Variants in MAP3K2 observed in about 807,000 individuals in gnomAD.
The protein encoded by MAP3K2 is mitogen-activated protein kinase kinase kinase 2, also known as MAP/ERK kinase kinase 2.
A neutral mutation model predicts 80.3 loss-of-function variants in MAP3K2; 24 were observed. The observed-to-expected ratio is 0.30, with a 90% CI of 0.22 to 0.42. The LOEUF is 0.42. Ranked by LOEUF, MAP3K2 falls within the 10% of genes least tolerant of loss-of-function variation. The pLI is 1.00. For synonymous variants in MAP3K2, 244 were observed against 253.7 expected, an observed-to-expected ratio of 0.96 and a Z score of 0.36; for missense variants, 608 against 750.1, an observed-to-expected ratio of 0.81 and a Z score of 2.21.
chr2:127,361,039 C>T (rs560027863), intron 1 of MAP3K2, among the ~76,000 whole-genome samples: 17 of 152,016 alleles, frequency 1.1e-4, no homozygotes, highest in South Asian at 4.2e-4. Context: ...TTAGGCAGGG[C>T]GCGGTGGCTC....
chr2:127,347,918 T>C (rs1168727681), intron 1 of MAP3K2, among the ~76,000 whole-genome samples: 2 of 152,064 alleles, frequency 1.3e-5, no homozygotes, highest in Non-Finnish European at 2.9e-5. Flanking sequence ...CAGGTGGTAA[T>C]GAAGATGTGA....
intron 1 of MAP3K2, among the ~76,000 whole-genome samples, chr2:127,351,068 A>C (rs1402754870): frequency 6.6e-6 from 1 of 152,166 alleles, no homozygotes; most frequent in Non-Finnish European, 1.5e-5. Context: ...AACTGTCGAA[A>C]TCATGAAAGT....
At position 127,325,821 on chromosome 2, in the gene MAP3K2, G is replaced by A; in HGVS notation, c.598-14C>T. 6.3e-7 allele frequency: 1 copy of A among 1,592,290 alleles called. No homozygotes were observed. The highest frequency in any genetic ancestry group is 8.6e-7 in the Non-Finnish European group (1 of 1,162,060). On this transcript the variant is annotated splice_polypyrimidine_tract_variant and intron_variant, in intron 8 of 16. Transcript: ENST00000682094. ...TGGATCCAGCATCTAGGAAAAAAAG[G>A]AGTTCCACCATGATTCAATTTGATA...
At chr2:127,319,166 GA>G (rs1383083322) in intron 12 of MAP3K2, among the ~76,000 whole-genome samples, 1 of 151,076 alleles carries the variant, frequency 6.6e-6, no homozygotes, top group Non-Finnish European at 1.5e-5. Flanking sequence ...TCAGCCGCTG[GA>G]GAAAGCAGCA....
At chr2:127,308,944 T>G (rs1043847698) in intron 15 of MAP3K2, among the ~76,000 whole-genome samples, 182 bp from the exon 16 acceptor site, 1 of 152,184 alleles carries the variant, frequency 6.6e-6, no homozygotes, top group African/African-American at 2.4e-5. Context: ...CATTAAGGAT[T>G]TGCTGCAAGA....
intron 12 of MAP3K2, among the ~76,000 whole-genome samples, chr2:127,319,648 T>C (rs972664861): frequency 5.0e-4 from 1 of 2,014 alleles, no homozygotes; most frequent in East Asian, 0.029. Context: ...CTACTAAAAA[T>C]ACAAAAAAAA....
At chr2:127,344,582 A>G (rs758683965) in intron 1 of MAP3K2, among the ~76,000 whole-genome samples, 7 of 152,064 alleles carry the variant, frequency 4.6e-5, no homozygotes, top group Non-Finnish European at 1.0e-4. Flanking sequence ...AAGTGGGAAG[A>G]CTGCTTGAGC....
At chr2:127,315,838 A>G (rs1174749889) in intron 14 of MAP3K2, among the ~76,000 whole-genome samples, 2 of 151,642 alleles carry the variant, frequency 1.3e-5, no homozygotes, top group Admixed American at 1.3e-4. Flanking sequence ...TAATACCATC[A>G]CTTTGGGAGG....
intron 15 of MAP3K2, among the ~76,000 whole-genome samples, chr2:127,311,633 C>T (rs958625086): frequency 1.3e-5 from 2 of 152,150 alleles, no homozygotes; most frequent in Non-Finnish European, 2.9e-5. Context: ...ATACTGCCAA[C>T]CACTCCCCCT....
intron 2 of MAP3K2, among the ~76,000 whole-genome samples, chr2:127,340,035 C>T (rs1441897861): frequency 6.6e-6 from 1 of 152,152 alleles, no homozygotes; most frequent in East Asian, 1.9e-4. Flanking sequence ...CTCAAACACA[C>T]AAACAGCTGA....
chr2:127,363,624 A>C (rs1686925297), intron 1 of MAP3K2, among the ~76,000 whole-genome samples: 1 of 152,114 alleles, frequency 6.6e-6, no homozygotes. Flanking sequence ...AATTCCTGTA[A>C]TCCTCTTCAT....
intron 1 of MAP3K2, among the ~76,000 whole-genome samples, chr2:127,369,522 T>C (rs1363779530): frequency 4.7e-5 from 7 of 148,512 alleles, no homozygotes; most frequent in Non-Finnish European, 8.9e-5. Context: ...AAAAAATGAC[T>C]TCATCTTAGA....
rs1214147440 is a variant in MAP3K2 at position 127,342,459 on chromosome 2, T to C, written c.4+667A>G. On this transcript the variant is annotated intron_variant, in intron 2 of 16. Coordinates refer to ENST00000682094, the MANE Select transcript of MAP3K2 (RefSeq NM_001371910.2). ...TAAGCAAGAAGTAGAAAATGTGTGATAAAGGCAAACTCTGGCAAGCAAATG... is the reference window on the plus strand; with the variant it reads ...TAAGCAAGAAGTAGAAAATGTGTGACAAAGGCAAACTCTGGCAAGCAAATG... Among the ~76,000 whole-genome samples the C allele has an allele frequency of 2.0e-5, 3 of 150,780 alleles. 1 individual carries two copies. Among genetic ancestry groups the C allele is most frequent in the East Asian group, 3.9e-4 (2 of 5,138 alleles).
At chr2:127,340,808 T>C (rs1573992688) in intron 2 of MAP3K2, among the ~76,000 whole-genome samples, 1 of 152,194 alleles carries the variant, frequency 6.6e-6, no homozygotes, top group Admixed American at 6.5e-5. Flanking sequence ...TCCTCCCACC[T>C]TGGCCTCCCA....
At chr2:127,338,053 T>C (rs1184237909) in intron 3 of MAP3K2, among the ~76,000 whole-genome samples, 1 of 152,136 alleles carries the variant, frequency 6.6e-6, no homozygotes, top group African/African-American at 2.4e-5. Flanking sequence ...GCTGATCCTG[T>C]TATGGGAAAT....
chr2:127,313,731 T>A (rs899347034), intron 15 of MAP3K2, among the ~76,000 whole-genome samples: 1 of 152,240 alleles, frequency 6.6e-6, no homozygotes, highest in Non-Finnish European at 1.5e-5. Context: ...AGAGTGTATT[T>A]ACACAAACCT....
At chr2:127,355,173 TATAAACCC>T (rs1230440762) in intron 1 of MAP3K2, among the ~76,000 whole-genome samples, 1 of 152,036 alleles carries the variant, frequency 6.6e-6, no homozygotes, top group East Asian at 1.9e-4. Context: ...TGACAGAAAC[TATAAACCC>T]ATAGATCCAA....
chr2:127,335,862 A>G lies in MAP3K2; in HGVS notation c.264+8T>C. On this transcript the variant is annotated splice_region_variant and intron_variant, in intron 5 of 16. Coordinates refer to ENST00000682094, the MANE Select transcript of MAP3K2 (RefSeq NM_001371910.2). Reference sequence around the variant, plus strand: ...AAGATCTACTAAAGTTAAACTGTACATGTTTACCTCGTTATTGGTATAATG... The same window carrying G: ...AAGATCTACTAAAGTTAAACTGTACGTGTTTACCTCGTTATTGGTATAATG... 6.8e-7 allele frequency: 1 copy of G among 1,476,742 alleles called. No homozygotes were observed. Among genetic ancestry groups the G allele is most frequent in the Non-Finnish European group, 9.3e-7 (1 of 1,075,664 alleles). 91.5% of individuals were successfully genotyped at this position (1,476,742 alleles called of 1,614,324 possible).
chr2:127,347,501 A>G (rs528855690), intron 1 of MAP3K2, among the ~76,000 whole-genome samples: 12 of 151,980 alleles, frequency 7.9e-5, no homozygotes, highest in Admixed American at 2.6e-4. Context: ...CACCAAAAAA[A>G]ATAAAGTACT....
Sources: gnomAD v4.1 joint callset for allele counts (sites outside exome capture counted in the v4.1 genomes callset) on GRCh38, gnomAD v4.1.1 for gene constraint, MANE v1.5 for transcripts, NCBI Gene and HGNC (gene_info 2026-07-23, HGNC 2026-07-21) for gene names.